NSD3: variants seen among roughly 807,000 people sequenced by gnomAD.
NSD3 encodes the protein nuclear receptor binding SET domain protein 3, also known as histone-lysine N-methyltransferase NSD3.
NSD3 carries 24 observed loss-of-function variants against 160.8 expected under a neutral mutation model. The observed-to-expected ratio is 0.15, with a 90% CI of 0.11 to 0.21. The LOEUF (loss-of-function observed/expected upper bound fraction) is 0.21. Among genes scored for constraint, NSD3 ranks in the 10% least tolerant of loss-of-function variants. The pLI is 1.00. For missense variants in NSD3, 1,157 were observed against 1,735.9 expected, an observed-to-expected ratio of 0.67 and a Z score of 5.93; for synonymous variants, 520 against 600.0, an observed-to-expected ratio of 0.87 and a Z score of 1.95.
intron 1 of NSD3, among the ~76,000 whole-genome samples, chr8:38,358,618 A>G (rs1280050089): frequency 6.6e-6 from 1 of 152,222 alleles, no homozygotes; most frequent in African/African-American, 2.4e-5. Context: ...AACGCAGTAC[A>G]TAAAGACAAG....
chr8:38,346,693 T>C (rs1252948019), intron 2 of NSD3, among the ~76,000 whole-genome samples: 1 of 152,180 alleles, frequency 6.6e-6, no homozygotes, highest in Admixed American at 6.5e-5. Context: ...ATGTGAGTTG[T>C]ATGAAGTAAT....
At chr8:38,289,986 T>C (rs1808961919) in intron 17 of NSD3, among the ~76,000 whole-genome samples, 1 of 152,102 alleles carries the variant, frequency 6.6e-6, no homozygotes, top group African/African-American at 2.4e-5. Context: ...AAGGCTGAGG[T>C]GGGCAGATCG....
In NSD3 at chr8:38,318,107, G is replaced by T; in HGVS notation, c.1855+788C>A. ...CGCAGCGATCGCGATGTCTTTTCTTGGAGCTCCGCCAAGCAGTGTTCCCTC... is the reference window on the plus strand; with the variant it reads ...CGCAGCGATCGCGATGTCTTTTCTTTGAGCTCCGCCAAGCAGTGTTCCCTC... On this transcript the variant is annotated intron_variant, in intron 9 of 23. Coordinates refer to ENST00000317025, the MANE Select transcript of NSD3 (RefSeq NM_023034.2). The surrounding 1 kb of genome is among the most constrained non-coding windows in gnomAD (Gnocchi z 5.3). 1 of 1,580,158 alleles carries T rather than the reference G, an allele frequency of 6.3e-7. No homozygotes were observed.
chr8:38,274,710 C>T lies in NSD3; in HGVS notation c.*931G>A, dbSNP rs1029292328. On this transcript the variant is annotated 3_prime_UTR_variant, in exon 24 of 24. Transcript: ENST00000317025. ...TCTCTCCAATTAAGACCAGGGTCTACAATAAAATTGGACAGAAAATGGTGC... is the reference window on the plus strand; with the variant it reads ...TCTCTCCAATTAAGACCAGGGTCTATAATAAAATTGGACAGAAAATGGTGC... 6.5e-6 allele frequency: 1 copy of T among 153,710 alleles called. No homozygotes were observed. The highest frequency in any genetic ancestry group is 2.4e-5 in the African/African-American group (1 of 41,478). The allele number at this position is 153,710 out of a possible 1,614,324, so 9.5% of individuals were successfully genotyped here.
At chr8:38,304,053 A>G (rs1179782077) in intron 14 of NSD3, among the ~76,000 whole-genome samples, 1 of 152,228 alleles carries the variant, frequency 6.6e-6, no homozygotes. Flanking sequence ...GAAAGCCCAC[A>G]TGGCTGGCTC....
chr8:38,342,090 G>T (rs576687592), intron 2 of NSD3, among the ~76,000 whole-genome samples: 1 of 152,250 alleles, frequency 6.6e-6, no homozygotes, highest in East Asian at 1.9e-4. Flanking sequence ...AAGAATTAAA[G>T]TTTTTTACAC....
chr8:38,286,358 G>T (rs1808856320), intron 19 of NSD3, among the ~76,000 whole-genome samples: 1 of 152,062 alleles, frequency 6.6e-6, no homozygotes, highest in African/African-American at 2.4e-5. Flanking sequence ...CAGCCCTATA[G>T]CTAGAGAACG....
At chr8:38,369,103 C>T (rs920546699) in intron 1 of NSD3, among the ~76,000 whole-genome samples, 1 of 152,044 alleles carries the variant, frequency 6.6e-6, no homozygotes, top group Admixed American at 6.6e-5. Flanking sequence ...TAATAATTTA[C>T]TAAGTTTATC....
intron 1 of NSD3, among the ~76,000 whole-genome samples, chr8:38,354,045 A>G (rs1432581850): frequency 6.6e-6 from 1 of 152,208 alleles, no homozygotes; most frequent in Non-Finnish European, 1.5e-5. Flanking sequence ...AGACTACCCC[A>G]GTCTGTCATT....
At chr8:38,306,049 T>G (rs1809384076) in intron 12 of NSD3, among the ~76,000 whole-genome samples, 2 of 152,018 alleles carry the variant, frequency 1.3e-5, no homozygotes, top group Non-Finnish European at 2.9e-5. Flanking sequence ...AAACCAGAAT[T>G]CTATACCCAG....
At chr8:38,377,280 C>A (rs1302223543) in intron 1 of NSD3, among the ~76,000 whole-genome samples, 1 of 152,140 alleles carries the variant, frequency 6.6e-6, no homozygotes, top group African/African-American at 2.4e-5. Flanking sequence ...TCTCAAACTC[C>A]TGACCTCAAG....
chr8:38,327,517 G>A (rs568324510), intron 6 of NSD3, among the ~76,000 whole-genome samples: 24 of 152,248 alleles, frequency 1.6e-4, no homozygotes, highest in South Asian at 6.2e-4. Context: ...ACCATGCCCA[G>A]CTAATTCCAA....
intron 1 of NSD3, among the ~76,000 whole-genome samples, chr8:38,367,963 A>G (rs1222948369): frequency 6.6e-6 from 1 of 152,172 alleles, no homozygotes; most frequent in Non-Finnish European, 1.5e-5. Flanking sequence ...TTCTGAGTTT[A>G]AACTATTAAT....
rs571084706 is a variant in NSD3 at position 38,279,784 on chromosome 8, G to C, written c.3619-103C>G. The C allele has an allele frequency of 7.6e-6, 10 of 1,308,282 alleles. No homozygotes were observed. In the East Asian group the frequency reaches 9.8e-5, roughly 13 times the overall value. The allele number at this position is 1,308,282 out of a possible 1,614,324, so 81.0% of individuals were successfully genotyped here. ...GGCAGCAGCATTTTGCTACCAACTG[G>C]TGTTTGACAACTGACAGATCAGGAA... On this transcript the variant is annotated intron_variant, in intron 20 of 23. Transcript: ENST00000317025.
intron 6 of NSD3, 84 bp from the exon 7 acceptor site, chr8:38,326,940 A>G: frequency 6.9e-7 from 1 of 1,458,556 alleles, no homozygotes; most frequent in Non-Finnish European, 9.2e-7. Context: ...ATGGCTTAAA[A>G]TGATCATAAT....
Position 38,304,876 on chromosome 8 carries a change from A to AT in NSD3, c.2441-120dup, listed in dbSNP as rs941096695. 1.6e-5 allele frequency: 17 copies of AT among 1,075,468 alleles called. No homozygotes were observed. The African/African-American group carries it at 2.2e-4, about 14-fold the overall frequency. The allele number at this position is 1,075,468 out of a possible 1,614,324, so 66.6% of individuals were successfully genotyped here. On this transcript the variant is annotated intron_variant, in intron 13 of 23. Transcript: ENST00000317025. ...ATGCTAGTTACAGTAGATGGAAAGC[A>AT]TTTTTTTCTTCCCTAGTCTGGCTCT...
rs184346566 is a variant in NSD3 at position 38,299,596 on chromosome 8, C to A, written c.2612-6G>T. The A allele has an allele frequency of 2.0e-6, 3 of 1,530,876 alleles. No individual in the cohort carries two copies. Among genetic ancestry groups the A allele is most frequent in the East Asian group, 4.8e-5 (2 of 41,944 alleles). 94.8% of individuals were successfully genotyped at this position (1,530,876 alleles called of 1,614,324 possible). On this transcript the variant is annotated splice_polypyrimidine_tract_variant and splice_region_variant and intron_variant, in intron 14 of 23. Coordinates refer to ENST00000317025, the MANE Select transcript of NSD3 (RefSeq NM_023034.2). ...ATGGTCCTGAACTATCAGCCCTATA[C>A]GAAACAAACAGAAAGAGATGAGCTG... is the stretch of plus-strand genomic sequence containing the variant.
intron 1 of NSD3, among the ~76,000 whole-genome samples, chr8:38,377,295 C>G (rs1237476968): frequency 6.6e-6 from 1 of 152,106 alleles, no homozygotes. Context: ...CTCAAGTGAT[C>G]CTCCTGCCTC....
chr8:38,295,505 G>A (rs986333426), intron 16 of NSD3, among the ~76,000 whole-genome samples: 2 of 151,986 alleles, frequency 1.3e-5, no homozygotes, highest in African/African-American at 4.8e-5. Flanking sequence ...AGGGTGCAGT[G>A]AGCTGCGATA....
Sources: allele counts gnomAD v4.1 joint callset (sites outside exome capture counted in the v4.1 genomes callset), GRCh38; gene constraint gnomAD v4.1.1; non-coding constraint Gnocchi (gnomAD v3.1); transcripts MANE v1.5; gene names NCBI Gene and HGNC (gene_info 2026-07-23, HGNC 2026-07-21).